ENO4: variants seen among roughly 807,000 people sequenced by gnomAD.
ENO4 encodes the protein 2-phospho-D-glycerate hydro-lyase.
Under a neutral mutation model 63.2 loss-of-function variants are expected in ENO4, and 53 were observed. The observed-to-expected ratio is 0.84, with a 90% CI of 0.67 to 1.05. The LOEUF (loss-of-function observed/expected upper bound fraction) is 1.05. Ranked by LOEUF, ENO4 falls within the 50% of genes least tolerant of loss-of-function variation. The pLI, the probability that ENO4 is intolerant of heterozygous loss-of-function variation, is 0.00. For missense variants in ENO4, 719 were observed against 772.0 expected, an observed-to-expected ratio of 0.93 and a Z score of 0.81; for synonymous variants, 266 against 283.8, an observed-to-expected ratio of 0.94 and a Z score of 0.63.
At chr10:116,850,432 T>C (rs1182800097) in intron 1 of ENO4, among the ~76,000 whole-genome samples, 2 of 152,094 alleles carry the variant, frequency 1.3e-5, no homozygotes, top group Non-Finnish European at 1.5e-5. Context: ...TGCCCAGCCC[T>C]GAGATCTGGC....
At chr10:116,900,571 TAC>T (rs530138594) in intron 10 of ENO4, 5 of 1,534,524 alleles carry the variant, frequency 3.3e-6, no homozygotes, top group East Asian at 2.4e-5. Flanking sequence ...GAAAAATCTA[TAC>T]ACACACACTG....
intron 13 of ENO4, 22 bp downstream of exon 13, chr10:116,880,008 T>C: frequency 1.3e-6 from 2 of 1,495,290 alleles, no homozygotes; most frequent in Admixed American, 2.0e-5. Context: ...TTTCTTGCTT[T>C]GTTTCCACTT....
At chr10:116,895,767 C>T (rs77256089) in intron 10 of ENO4, among the ~76,000 whole-genome samples, 1,630 of 152,262 alleles carry the variant, frequency 0.011, 8 homozygotes, top group Middle Eastern at 0.02. Context: ...AAGTTTAAAA[C>T]GTTCAAGTGC....
At chr10:116,900,502 A>G (rs1418196843) in intron 10 of ENO4, 12 of 1,492,700 alleles carry the variant, frequency 8.0e-6, no homozygotes, top group Non-Finnish European at 9.9e-6. Flanking sequence ...AGGCAGACAA[A>G]AGGAGGAAGG....
At chr10:116,852,690 C>A (rs920166982) in intron 1 of ENO4, among the ~76,000 whole-genome samples, 2 of 152,166 alleles carry the variant, frequency 1.3e-5, no homozygotes, top group Admixed American at 1.3e-4. Context: ...GTCCCAATTA[C>A]CCTACTGGAA....
chr10:116,895,721 T>A (rs1246410536), intron 10 of ENO4, among the ~76,000 whole-genome samples: 1 of 152,210 alleles, frequency 6.6e-6, no homozygotes, highest in Non-Finnish European at 1.5e-5. Context: ...CTAAACGCAG[T>A]ACACCATAGT....
At chr10:116,893,007 C>T (rs1035573731) in intron 10 of ENO4, among the ~76,000 whole-genome samples, 2 of 152,154 alleles carry the variant, frequency 1.3e-5, no homozygotes, top group African/African-American at 2.4e-5. Context: ...TGTTAGAAGG[C>T]AATTAATTCT....
rs959764878 is a variant in ENO4, at chr10:116,879,296, A to C, written c.1543A>C (p.Lys515Gln). 4 of 1,549,818 alleles carry C rather than the reference A, an allele frequency of 2.6e-6. No homozygotes were observed. Among genetic ancestry groups the C allele is most frequent in the Non-Finnish European group, 1.7e-6 (2 of 1,146,250 alleles). ...VEITNLIDSKKHITVFGSTEG... is the reference protein window; with the variant it reads ...VEITNLIDSKQHITVFGSTEG... ...GAAAGAAATTCCTCTTCCAGGTAAG[A>C]AGCACATCACTGTCTTTGGAAGTAC... Residue 515 changes from lysine (K) to glutamine (Q), a missense_variant, in exon 12 of 14, where the codon AAG (lysine) becomes CAG (glutamine). Transcript: ENST00000341276.
chr10:116,860,761 A>G, intron 4 of ENO4, 33 bp from the exon 5 acceptor site: 1 of 1,312,670 alleles, frequency 7.6e-7, no homozygotes, highest in Non-Finnish European at 9.9e-7. Context: ...GCATTTAGAA[A>G]TACAGTCTTA....
chr10:116,879,771 C>G, intron 12 of ENO4, 98 bp from the exon 13 acceptor site: 2 of 931,412 alleles, frequency 2.1e-6, no homozygotes, highest in South Asian at 1.7e-5. Flanking sequence ...AAATCCCAAA[C>G]AGCACACTGT....
Position 116,855,748 on chromosome 10 carries a change from C to T in ENO4, c.291C>T (p.Pro97=). ...TATTCTGCACCATTCAAAACTTTCC[C>T]AAGGTATGAGGCAGTTTAAGTGTGT... is the stretch of plus-strand genomic sequence containing the variant. The part of the protein sequence containing the change: ...VDIFCTIQNF[P]KNVCSVVIST... The change falls in exon 2 of 14, where the codon CCC becomes CCT. Residue 97 remains proline, a synonymous_variant. Coordinates refer to ENST00000341276, the MANE Select transcript of ENO4 (RefSeq NM_001242699.2). 6.5e-7 allele frequency: 1 copy of T among 1,534,450 alleles called. No homozygotes were observed. Among genetic ancestry groups the T allele is most frequent in the Non-Finnish European group, 8.7e-7 (1 of 1,145,454 alleles).
rs569728075 is a variant in ENO4, at chr10:116,897,726, T to C, written c.1195-13773T>C. On this transcript the variant is annotated intron_variant, in intron 10 of 10. Coordinates refer to the ENO4 transcript ENST00000369207. ...ATTTACACACCAGGAAATTCAGTTA[T>C]AGATTACATAACTTTCCCAGGGTCA... Among the ~76,000 whole-genome samples the C allele has an allele frequency of 2.0e-5, 3 of 152,298 alleles. No individual in the cohort carries two copies. The South Asian group carries it at 6.2e-4, about 32-fold the overall frequency.
At position 116,856,579 on chromosome 10, in the gene ENO4, G is replaced by A; in HGVS notation, c.382G>A (p.Ala128Thr). The change falls in exon 3 of 14, where the codon GCC becomes ACC. Residue 128 changes from alanine to threonine, a missense_variant. Ala to Thr is a moderately conservative substitution (Grantham distance 58). This residue lies in a region of ENO4 where 544 missense variants were observed against 583.6 expected (regional missense o/e 0.93). Transcript: ENST00000341276. ...GGCCAAGGCGGAGGAGGCAGAGAGG[G>A]CCAGCGCGGTGAGCACCGCCGTGCA... is the stretch of plus-strand genomic sequence containing the variant. ...ELAKAEEAER[A>T]SAVSTAVQWV... is the part of the protein sequence containing the mutation. 6.5e-7 allele frequency: 1 copy of A among 1,536,162 alleles called. No individual in the cohort carries two copies.
intron 8 of ENO4, 31 bp downstream of exon 8, chr10:116,868,737 A>G: frequency 6.5e-7 from 1 of 1,528,218 alleles, no homozygotes; most frequent in South Asian, 1.2e-5. Flanking sequence ...CCATCCTTCC[A>G]TATGACACTG....
At chr10:116,880,067 T>TC in intron 13 of ENO4, 81 bp downstream of exon 13, 1 of 1,098,924 alleles carries the variant, frequency 9.1e-7, no homozygotes, top group Non-Finnish European at 1.3e-6. Context: ...TAGAAGTCCC[T>TC]CTGCAGGAGG....
At chr10:116,878,863 C>T (rs931678954) in intron 11 of ENO4, among the ~76,000 whole-genome samples, 2 of 151,218 alleles carry the variant, frequency 1.3e-5, no homozygotes, top group Non-Finnish European at 2.9e-5. Flanking sequence ...CCTGCCTCAG[C>T]CTCGCGAGTA....
chr10:116,902,268 T>C (rs1048956992), intron 10 of ENO4, among the ~76,000 whole-genome samples: 3 of 152,114 alleles, frequency 2.0e-5, no homozygotes, highest in Non-Finnish European at 4.4e-5. Flanking sequence ...TTTCCTCTCA[T>C]AGAGTATGGC....
chr10:116,862,710 C>G (rs1589754221), intron 6 of ENO4, 89 bp from the exon 7 acceptor site: 7 of 881,716 alleles, frequency 7.9e-6, no homozygotes, highest in Non-Finnish European at 1.1e-5. Flanking sequence ...TACAAATACT[C>G]TGAGTTAGAA....
At chr10:116,897,449 C>T (rs962738749) in intron 10 of ENO4, among the ~76,000 whole-genome samples, 2 of 152,078 alleles carry the variant, frequency 1.3e-5, no homozygotes, top group African/African-American at 4.8e-5. Context: ...AGTATGTAAT[C>T]TACTTGCCTC....
Sources: gnomAD v4.1 joint callset for allele counts (sites outside exome capture counted in the v4.1 genomes callset) on GRCh38, gnomAD v4.1.1 for gene constraint, gnomAD v4.1.1 regional missense constraint, MANE v1.5 for transcripts, NCBI Gene and HGNC (gene_info 2026-07-23, HGNC 2026-07-21) for gene names.